GSG1L: variants seen among roughly 807,000 people sequenced by gnomAD.
GSG1L encodes the protein germ cell-specific gene 1-like protein.
Under a neutral mutation model 42.1 loss-of-function variants are expected in GSG1L, and 24 were observed. That is an observed-to-expected ratio of 0.57 (90% CI 0.41 to 0.80). GSG1L has a LOEUF of 0.80. GSG1L is among the 30% of genes least tolerant of loss of function. The probability of loss-of-function intolerance (pLI) is 0.00; values close to 1 mark genes in which losing one functional copy is unlikely to be tolerated. For synonymous variants in GSG1L, 215 were observed against 203.5 expected (o/e 1.06, Z -0.48); for missense variants, 445 against 472.2 (o/e 0.94, Z 0.53).
chr16:28,026,707 C>A (rs1285791102), intron 1 of GSG1L, among the ~76,000 whole-genome samples: 1 of 152,204 alleles, frequency 6.6e-6, no homozygotes, highest in African/African-American at 2.4e-5. Flanking sequence ...CAGGGCAGAG[C>A]CTCGCTGTGC....
chr16:27,847,486 A>AG (rs1223825201), intron 3 of GSG1L, among the ~76,000 whole-genome samples: 3 of 152,224 alleles, frequency 2.0e-5, no homozygotes. Flanking sequence ...TGTTGAGTCC[A>AG]GGGGGGCTAA....
intron 1 of GSG1L, among the ~76,000 whole-genome samples, chr16:27,999,794 AT>A (rs1245014289): frequency 6.6e-6 from 1 of 152,184 alleles, no homozygotes; most frequent in African/African-American, 2.4e-5. Flanking sequence ...TGAATCAGGG[AT>A]CCAGGCTCCT....
chr16:27,975,100 A>G (rs2085236251), intron 1 of GSG1L, among the ~76,000 whole-genome samples: 1 of 152,124 alleles, frequency 6.6e-6, no homozygotes, highest in Non-Finnish European at 1.5e-5. Context: ...CGGTCTTTCC[A>G]ACATGTTCCC....
intron 5 of GSG1L, among the ~76,000 whole-genome samples, chr16:27,816,661 G>A (rs1490703683): frequency 6.6e-6 from 1 of 152,204 alleles, no homozygotes; most frequent in Non-Finnish European, 1.5e-5. Context: ...TGAACTGAAG[G>A]GACCTCTATG....
At chr16:28,033,622 G>C (rs912355859) in intron 1 of GSG1L, among the ~76,000 whole-genome samples, 3 of 152,008 alleles carry the variant, frequency 2.0e-5, no homozygotes, top group South Asian at 2.1e-4. Context: ...CTCCTAAAGA[G>C]GTCATGCAAC....
intron 2 of GSG1L, among the ~76,000 whole-genome samples, chr16:27,960,732 G>A (rs961582293): frequency 9.2e-5 from 14 of 152,168 alleles, no homozygotes; most frequent in Non-Finnish European, 1.5e-4. Flanking sequence ...GGCCACACGG[G>A]CTGCCTTGGA....
At chr16:27,864,817 C>T (rs1381346157) in intron 3 of GSG1L, among the ~76,000 whole-genome samples, 1 of 152,212 alleles carries the variant, frequency 6.6e-6, no homozygotes, top group African/African-American at 2.4e-5. Flanking sequence ...GTCTTGGGCC[C>T]TCTCTGCTGG....
At chr16:27,842,726 A>C (rs1187079209) in intron 4 of GSG1L, among the ~76,000 whole-genome samples, 2 of 152,090 alleles carry the variant, frequency 1.3e-5, no homozygotes, top group Non-Finnish European at 2.9e-5. Flanking sequence ...TTTGGTTTTA[A>C]AAGGATGGAA....
chr16:27,825,914 C>A (rs1189165798), intron 5 of GSG1L, among the ~76,000 whole-genome samples: 1 of 152,188 alleles, frequency 6.6e-6, no homozygotes, highest in Non-Finnish European at 1.5e-5. Flanking sequence ...GAGGCCTCCC[C>A]AGCCCTTCTG....
At chr16:28,008,153 C>G (rs990674520) in intron 1 of GSG1L, among the ~76,000 whole-genome samples, 1 of 152,116 alleles carries the variant, frequency 6.6e-6, no homozygotes, top group African/African-American at 2.4e-5. Context: ...GATCTCCGCT[C>G]ACTGCAACCT....
At chr16:27,902,877 G>A (rs140362132) in intron 2 of GSG1L, among the ~76,000 whole-genome samples, 4 of 152,306 alleles carry the variant, frequency 2.6e-5, no homozygotes, top group East Asian at 3.9e-4. Flanking sequence ...AGTGCCCAGC[G>A]GGTACCATCT....
chr16:28,035,974 G>T (rs1353482357), intron 1 of GSG1L, among the ~76,000 whole-genome samples: 2 of 152,128 alleles, frequency 1.3e-5, no homozygotes, highest in Non-Finnish European at 1.5e-5. Flanking sequence ...CTTTGAGTGG[G>T]CCCCTTTATT....
intron 3 of GSG1L, among the ~76,000 whole-genome samples, chr16:27,853,940 G>T (rs1367036450): frequency 6.6e-6 from 1 of 152,024 alleles, no homozygotes; most frequent in Non-Finnish European, 1.5e-5. Flanking sequence ...AGCATTCCCT[G>T]TTCCCCTTGT....
At chr16:27,830,768 T>C (rs1567475098) in intron 4 of GSG1L, among the ~76,000 whole-genome samples, 2 of 152,364 alleles carry the variant, frequency 1.3e-5, no homozygotes, top group South Asian at 4.1e-4. Flanking sequence ...CTGAAGATTC[T>C]ACTTCAACCT....
chr16:27,870,153 C>CT (rs2083798045), intron 3 of GSG1L, among the ~76,000 whole-genome samples: 1 of 148,298 alleles, frequency 6.7e-6, no homozygotes, highest in African/African-American at 2.6e-5. Context: ...ATCTCTCTTT[C>CT]CTTCTCTCTC....
chr16:27,838,727 C>T (rs186830534), intron 4 of GSG1L, among the ~76,000 whole-genome samples: 211 of 152,276 alleles, frequency 1.4e-3, no homozygotes, highest in Non-Finnish European at 2.5e-3. Context: ...ATGTGGGGCA[C>T]GGCTGGGCAC....
chr16:27,836,438 C>G (rs180810856), intron 4 of GSG1L, among the ~76,000 whole-genome samples: 2 of 152,176 alleles, frequency 1.3e-5, no homozygotes, highest in African/African-American at 4.8e-5. Flanking sequence ...TTATTTCTTT[C>G]AGTACTTGGT....
chr16:27,828,059 C>T (rs2083233513), intron 5 of GSG1L, among the ~76,000 whole-genome samples: 1 of 145,454 alleles, frequency 6.9e-6, no homozygotes. Flanking sequence ...ATCATCCATC[C>T]ATCCATCCAT....
chr16:27,860,317 G>C (rs1456200461), intron 3 of GSG1L, among the ~76,000 whole-genome samples: 2 of 152,178 alleles, frequency 1.3e-5, no homozygotes, highest in South Asian at 4.1e-4. Context: ...GGGCTTGGTC[G>C]GGCAGGAAGA....
Sources: gnomAD v4.1 joint callset for allele counts (sites outside exome capture counted in the v4.1 genomes callset) on GRCh38, gnomAD v4.1.1 for gene constraint, MANE v1.5 for transcripts, NCBI Gene and HGNC (gene_info 2026-07-23, HGNC 2026-07-21) for gene names.